Variants in NBAS observed in about 807,000 individuals in gnomAD.
The protein encoded by NBAS is NBAS subunit of NRZ tethering complex.
Under a neutral mutation model 302.5 loss-of-function variants are expected in NBAS, and 219 were observed. The observed-to-expected ratio is 0.72, with a 90% CI of 0.65 to 0.81. The LOEUF (loss-of-function observed/expected upper bound fraction) is 0.81, where lower values mean the gene tolerates loss of function less well. Among genes scored for constraint, NBAS ranks in the 30% least tolerant of loss-of-function variants. The pLI, the probability that NBAS is intolerant of heterozygous loss-of-function variation, is 0.00. For synonymous variants in NBAS, 1,118 were observed against 1,021.6 expected (o/e 1.09, Z -1.80); for missense variants, 2,932 against 2,841.6 (o/e 1.03, Z -0.72).
At chr2:15,182,253 C>T (rs1664862338) in intron 50 of NBAS, among the ~76,000 whole-genome samples, 1 of 152,230 alleles carries the variant, frequency 6.6e-6, no homozygotes, top group East Asian at 1.9e-4. Flanking sequence ...CTGCTCTGAG[C>T]TGAACATCAA....
the NBAS span, among the ~76,000 whole-genome samples, chr2:15,111,411 G>A: frequency 1.3e-5 from 2 of 152,184 alleles, no homozygotes; most frequent in Non-Finnish European, 1.5e-5. Flanking sequence ...CATGCTATTA[G>A]CATCTGTGCA....
At chr2:15,520,761 T>C (rs916896162) in intron 9 of NBAS, among the ~76,000 whole-genome samples, 4 of 152,182 alleles carry the variant, frequency 2.6e-5, no homozygotes, top group Non-Finnish European at 4.4e-5. Flanking sequence ...TTAAAAAATA[T>C]AAAATCTATG....
At chr2:15,220,182 A>C (rs1572472794) in intron 47 of NBAS, among the ~76,000 whole-genome samples, 2 of 104,486 alleles carry the variant, frequency 1.9e-5, no homozygotes, top group African/African-American at 3.7e-5. Context: ...CGGGGGGCTG[A>C]CCCCCCCACC....
chr2:14,984,652 C>T, the NBAS span, among the ~76,000 whole-genome samples: 1 of 152,204 alleles, frequency 6.6e-6, no homozygotes, highest in African/African-American at 2.4e-5. Flanking sequence ...CTGTCCCTCT[C>T]CCTATACTTC....
At chr2:14,798,206 G>A in the NBAS span, among the ~76,000 whole-genome samples, 1 of 152,138 alleles carries the variant, frequency 6.6e-6, no homozygotes, top group Non-Finnish European at 1.5e-5. Flanking sequence ...TGACTAGTAG[G>A]TTTGATGTTA....
chr2:15,279,564 C>G (rs1669736134), intron 42 of NBAS, among the ~76,000 whole-genome samples: 1 of 152,192 alleles, frequency 6.6e-6, no homozygotes, highest in Non-Finnish European at 1.5e-5. Flanking sequence ...ATCATAACAG[C>G]TTTAGTTCAT....
the NBAS span, among the ~76,000 whole-genome samples, chr2:15,105,116 G>A: frequency 1.3e-5 from 2 of 152,130 alleles, no homozygotes; most frequent in Non-Finnish European, 2.9e-5. Context: ...CAGGGACATA[G>A]ATGAAGCTGG....
At position 15,433,179 on chromosome 2, in the gene NBAS, T is replaced by C. The variant is rs79556060; in HGVS notation, c.2340-5385A>G. ...TTCTAATCCATAATACTTAAGATTA[T>C]GCTCTTAGAGAAGTCTAACCTCTGG... On this transcript the variant is annotated intron_variant, in intron 21 of 51. Transcript: ENST00000281513. Among the ~76,000 whole-genome samples, 483 of 152,318 alleles carry C rather than the reference T, an allele frequency of 3.2e-3. 4 individuals are homozygous for C. The highest frequency in any genetic ancestry group is 0.011 in the African/African-American group (460 of 41,574).
chr2:14,801,832 G>A, the NBAS span, among the ~76,000 whole-genome samples: 8 of 152,030 alleles, frequency 5.3e-5, no homozygotes, highest in South Asian at 4.2e-4. Context: ...TTTGAGAAGT[G>A]TCTGTTCATG....
At chr2:15,002,865 C>A in the NBAS span, among the ~76,000 whole-genome samples, 1 of 152,230 alleles carries the variant, frequency 6.6e-6, no homozygotes, top group Non-Finnish European at 1.5e-5. Flanking sequence ...ACCCGGAACT[C>A]CAGCTGGCCC....
the NBAS span, among the ~76,000 whole-genome samples, chr2:14,822,243 G>T: frequency 6.6e-5 from 10 of 152,054 alleles, no homozygotes; most frequent in African/African-American, 2.4e-4. Flanking sequence ...TTTTACTATT[G>T]CCAGAAGGGA....
the NBAS span, among the ~76,000 whole-genome samples, chr2:14,850,963 C>T: frequency 2.1e-4 from 28 of 134,910 alleles, no homozygotes; most frequent in Admixed American, 3.6e-4. Flanking sequence ...ACTAAATGCC[C>T]ACAAGAGAAA....
chr2:15,134,221 G>T, the NBAS span, among the ~76,000 whole-genome samples: 6 of 152,122 alleles, frequency 3.9e-5, no homozygotes, highest in Non-Finnish European at 8.8e-5. Flanking sequence ...ATGGGATTAA[G>T]CTCTTACAAA....
intron 9 of NBAS, among the ~76,000 whole-genome samples, chr2:15,519,261 A>G (rs1662548579): frequency 6.6e-6 from 1 of 152,314 alleles, no homozygotes; most frequent in South Asian, 2.1e-4. Context: ...AATGTTCAGC[A>G]TAACTCTTAA....
At chr2:15,090,904 G>C in the NBAS span, among the ~76,000 whole-genome samples, 1 of 152,176 alleles carries the variant, frequency 6.6e-6, no homozygotes, top group Admixed American at 6.5e-5. Flanking sequence ...AGAATGCTTA[G>C]GTTGACATGG....
intron 16 of NBAS, among the ~76,000 whole-genome samples, chr2:15,469,272 T>C (rs1020339994): frequency 1.3e-5 from 2 of 152,230 alleles, no homozygotes; most frequent in African/African-American, 4.8e-5. Context: ...CTTATTTCTC[T>C]AGTTCTGTAA....
intron 35 of NBAS, among the ~76,000 whole-genome samples, chr2:15,336,092 C>CAAA (rs112260741): frequency 1.9e-5 from 2 of 105,708 alleles, no homozygotes; most frequent in Non-Finnish European, 2.2e-5. Flanking sequence ...ATCCTCATTT[C>CAAA]AAAAAAAAAA....
At chr2:15,111,946 T>C in the NBAS span, among the ~76,000 whole-genome samples, 1 of 147,718 alleles carries the variant, frequency 6.8e-6, no homozygotes, top group Non-Finnish European at 1.5e-5. Flanking sequence ...ACTAAAATAA[T>C]ATATAATATA....
At chr2:14,796,326 C>T in the NBAS span, among the ~76,000 whole-genome samples, 1 of 152,132 alleles carries the variant, frequency 6.6e-6, no homozygotes, top group Non-Finnish European at 1.5e-5. Context: ...CTATTTTTGT[C>T]ATTCACACTT....
Sources: gnomAD v4.1 joint callset for allele counts (sites outside exome capture counted in the v4.1 genomes callset) on GRCh38, gnomAD v4.1.1 for gene constraint, MANE v1.5 for transcripts, NCBI Gene and HGNC (gene_info 2026-07-23, HGNC 2026-07-21) for gene names.